DNAH8: variants seen among roughly 807,000 people sequenced by gnomAD.
DNAH8 encodes the protein axonemal beta dynein heavy chain 8.
In DNAH8, 382 loss-of-function variants were observed where a neutral mutation model predicts 562.1. That is an observed-to-expected ratio of 0.68 (90% confidence interval 0.63 to 0.74). The LOEUF is 0.74. DNAH8 is among the 30% of genes least tolerant of loss of function. The pLI is 0.00. For synonymous variants in DNAH8, 1,881 were observed against 1,919.4 expected, an observed-to-expected ratio of 0.98 and a Z score of 0.52; for missense variants, 5,203 against 5,620.4, an observed-to-expected ratio of 0.93 and a Z score of 2.37.
rs1181508636 is a variant in DNAH8, at chr6:39,014,034, C to A, written c.13714+1397C>A. On this transcript the variant is annotated intron_variant, in intron 91 of 92. Transcript: ENST00000327475. Reference sequence around the variant, plus strand: ...CAGGGTTTTTTTTGTGTAAAGCATACTTTGATCAATATTATACATGAAAAA... The same window carrying A: ...CAGGGTTTTTTTTGTGTAAAGCATAATTTGATCAATATTATACATGAAAAA... Among the ~76,000 whole-genome samples the A allele has an allele frequency of 2.6e-5, 4 of 152,036 alleles. No homozygotes were observed. The East Asian group carries it at 7.7e-4, about 29-fold the overall frequency.
intron 75 of DNAH8, among the ~76,000 whole-genome samples, chr6:38,930,999 A>G (rs1782513429): frequency 6.6e-6 from 1 of 152,096 alleles, no homozygotes; most frequent in African/African-American, 2.4e-5. Context: ...GAGATCATAC[A>G]GTGTTTATCT....
At chr6:38,978,775 A>G (rs541250487) in intron 85 of DNAH8, among the ~76,000 whole-genome samples, 2 of 152,340 alleles carry the variant, frequency 1.3e-5, no homozygotes, top group East Asian at 3.9e-4. Context: ...ACAACTTTTC[A>G]TCAGTGTTCT....
chr6:38,746,046 T>G (rs1169980665), intron 8 of DNAH8, among the ~76,000 whole-genome samples: 4 of 152,200 alleles, frequency 2.6e-5, no homozygotes, highest in African/African-American at 9.6e-5. Flanking sequence ...CATAGGTGGG[T>G]CTTGACTGCG....
intron 78 of DNAH8, 120 bp downstream of exon 78, chr6:38,938,346 C>T: frequency 1.7e-6 from 2 of 1,168,304 alleles, no homozygotes; most frequent in Non-Finnish European, 1.2e-6. Flanking sequence ...AACCTAAATG[C>T]CCATCAACAG....
At chr6:38,932,022 C>G (rs754753117) in intron 76 of DNAH8, 29 bp downstream of exon 76, 1 of 1,455,582 alleles carries the variant, frequency 6.9e-7, no homozygotes, top group Admixed American at 2.4e-5. Context: ...TAAAGAATTT[C>G]TGCTTATAAT....
chr6:39,015,889 C>T lies in DNAH8; in HGVS notation c.13714+3252C>T, dbSNP rs377681585. On this transcript the variant is annotated intron_variant, in intron 91 of 92. Transcript: ENST00000327475. ...CCTACCCTTTACACACAAGCACACACACACCCTTATCCATGACTGCTTTCT... is the reference window on the plus strand; with the variant it reads ...CCTACCCTTTACACACAAGCACACATACACCCTTATCCATGACTGCTTTCT... Among the ~76,000 whole-genome samples, 7 of 152,340 alleles carry T rather than the reference C, an allele frequency of 4.6e-5. No homozygotes were observed. The East Asian group carries it at 5.8e-4, about 13-fold the overall frequency.
intron 1 of DNAH8, chr6:38,716,510 C>T (rs763356948): frequency 2.0e-5 from 3 of 152,246 alleles, no homozygotes; most frequent in Non-Finnish European, 2.9e-5. Flanking sequence ...AGACCCGACT[C>T]GGGTGGTACC....
At chr6:38,835,132 A>G (rs1774174192) in intron 32 of DNAH8, among the ~76,000 whole-genome samples, 2 of 152,172 alleles carry the variant, frequency 1.3e-5, no homozygotes, top group South Asian at 2.1e-4. Context: ...GAGCGCGTCT[A>G]GAGAAAGTTC....
chr6:39,004,823 A>C (rs1191513799), intron 88 of DNAH8, among the ~76,000 whole-genome samples: 4 of 152,174 alleles, frequency 2.6e-5, no homozygotes, highest in African/African-American at 9.7e-5. Context: ...ACTTAACATA[A>C]TGTTTTTGAA....
chr6:38,734,466 G>A lies in DNAH8; in HGVS notation c.611-8G>A, dbSNP rs528444761. On this transcript the variant is annotated splice_polypyrimidine_tract_variant and splice_region_variant and intron_variant, in intron 4 of 92. Transcript: ENST00000327475. ...ATTATACGCTAAGTTCTTGACTTTT[G>A]TTTTCAGAATGTGGTCGAACTATTG... 1.2e-6 allele frequency: 2 copies of A among 1,612,830 alleles called. No individual in the cohort carries two copies. The highest frequency in any genetic ancestry group is 1.3e-5 in the African/African-American group (1 of 74,938).
chr6:38,944,981 T>TA (rs1269267907), intron 79 of DNAH8, among the ~76,000 whole-genome samples: 1 of 151,638 alleles, frequency 6.6e-6, no homozygotes, highest in African/African-American at 2.4e-5. Context: ...ACCCTAACCC[T>TA]AACCCTAACC....
intron 91 of DNAH8, among the ~76,000 whole-genome samples, chr6:39,016,375 C>A (rs1383110593): frequency 6.6e-6 from 1 of 151,956 alleles, no homozygotes; most frequent in African/African-American, 2.4e-5. Context: ...CACGGTGAAA[C>A]CCCGTCTCTA....
chr6:38,873,812 A>G (rs1395172662), intron 52 of DNAH8, among the ~76,000 whole-genome samples: 1 of 130,060 alleles, frequency 7.7e-6, no homozygotes, highest in Non-Finnish European at 1.7e-5. Flanking sequence ...CCCTGTCTCA[A>G]AATAAATAAA....
rs753974910 is a variant in DNAH8, at chr6:38,729,934, T to C, written c.558T>C (p.Asp186=). 1.0e-4 allele frequency: 161 copies of C among 1,599,180 alleles called. No homozygotes were observed. The highest frequency in any genetic ancestry group is 1.3e-4 in the Non-Finnish European group (155 of 1,170,354). Residue 186 remains aspartate, a synonymous_variant, in exon 4 of 93, where the codon GAT becomes GAC. Coordinates refer to ENST00000327475, the MANE Select transcript of DNAH8 (RefSeq NM_001206927.2). ...LEAFTNFFAK[D]GCKTLKFLYQ... is the part of the protein sequence containing the mutation. ...CATTTACTAATTTTTTTGCGAAAGA[T>C]GGTTGTAAGACACTGAAATTTTTGT...
At chr6:38,767,379 G>A (rs1046965698) in intron 11 of DNAH8, among the ~76,000 whole-genome samples, 2 of 151,646 alleles carry the variant, frequency 1.3e-5, no homozygotes, top group African/African-American at 4.9e-5. Context: ...GTAGATTGCA[G>A]TGAGCCGAGA....
chr6:38,962,491 A>T (rs1365258743), intron 82 of DNAH8, among the ~76,000 whole-genome samples: 1 of 152,174 alleles, frequency 6.6e-6, no homozygotes, highest in Non-Finnish European at 1.5e-5. Flanking sequence ...TATGTACAAT[A>T]GCTTAATATG....
chr6:38,974,829 A>G lies in DNAH8; in HGVS notation c.12834+300A>G, dbSNP rs114504810. ...GCACGCAGGGGATTGTCAGAGCTCA[A>G]TAAATATTTGTAGAATGAGCTAATG... On this transcript the variant is annotated intron_variant, in intron 85 of 92. Coordinates refer to ENST00000327475, the MANE Select transcript of DNAH8 (RefSeq NM_001206927.2). 5.2e-3 allele frequency among the ~76,000 whole-genome samples: 795 copies of G among 152,326 alleles called. 8 individuals carry two copies. Among genetic ancestry groups the G allele is most frequent in the African/African-American group, 0.018 (762 of 41,564 alleles).
chr6:38,773,162 C>T (rs574102402), intron 12 of DNAH8, among the ~76,000 whole-genome samples: 1 of 151,798 alleles, frequency 6.6e-6, no homozygotes, highest in Admixed American at 6.6e-5. Flanking sequence ...GCTACTAGCA[C>T]AAGTCAAATT....
chr6:38,835,415 TAGAG>T (rs1011420995), intron 32 of DNAH8, among the ~76,000 whole-genome samples: 7 of 151,612 alleles, frequency 4.6e-5, no homozygotes, highest in African/African-American at 1.7e-4. Context: ...TAAAATCTGA[TAGAG>T]AGATAGCAAG....
Sources: gnomAD v4.1 joint callset for allele counts (sites outside exome capture counted in the v4.1 genomes callset) on GRCh38, gnomAD v4.1.1 for gene constraint, MANE v1.5 for transcripts, NCBI Gene and HGNC (gene_info 2026-07-23, HGNC 2026-07-21) for gene names.